CEP128: variants seen among roughly 807,000 people sequenced by gnomAD.
CEP128 encodes the protein centrosomal protein 128kDa.
A neutral mutation model predicts 156.7 loss-of-function variants in CEP128; 132 were observed. That is an observed-to-expected ratio of 0.84 (90% CI 0.73 to 0.97). The LOEUF (loss-of-function observed/expected upper bound fraction) is 0.97, where lower values mean the gene tolerates loss of function less well. Ranked by LOEUF, CEP128 falls within the 50% of genes least tolerant of loss-of-function variation. The pLI is 0.00. For missense variants in CEP128, 1,252 were observed against 1,281.9 expected, an observed-to-expected ratio of 0.98 and a Z score of 0.36; for synonymous variants, 469 against 448.9, an observed-to-expected ratio of 1.04 and a Z score of -0.57.
chr14:80,757,222 C>T (rs987937592), intron 17 of CEP128, among the ~76,000 whole-genome samples: 8 of 152,124 alleles, frequency 5.3e-5, no homozygotes, highest in Non-Finnish European at 1.0e-4. Context: ...TATATGGAGG[C>T]TGATTCTGTG....
intron 19 of CEP128, among the ~76,000 whole-genome samples, chr14:80,668,248 A>G (rs1895706514): frequency 6.6e-6 from 1 of 152,234 alleles, no homozygotes; most frequent in South Asian, 2.1e-4. Context: ...AAACCTAGGC[A>G]GGATTCCACC....
intron 9 of CEP128, among the ~76,000 whole-genome samples, chr14:80,861,681 T>C (rs1262662135): frequency 6.6e-6 from 1 of 152,170 alleles, no homozygotes; most frequent in African/African-American, 2.4e-5. Flanking sequence ...CTAAATGCTA[T>C]GTGTGAACCT....
chr14:80,559,286 A>T lies in CEP128; in HGVS notation c.2873T>A (p.Leu958Ter), dbSNP rs1296082068. 3 of 1,605,216 alleles carry T rather than the reference A, an allele frequency of 1.9e-6. No individual in the cohort carries two copies. Among genetic ancestry groups the T allele is most frequent in the Non-Finnish European group, 1.7e-6 (2 of 1,176,348 alleles). The change falls in exon 21 of 25, where the codon TTA becomes TAA. Residue 958 changes from leucine to a stop codon, truncating the protein, a stop_gained. Coordinates refer to ENST00000555265, the MANE Select transcript of CEP128 (RefSeq NM_152446.5). LOFTEE classifies it high-confidence loss of function. ...MGSLQDRVIA[L>*]ETSTQVALDH... ...GAAAATGCCCCAACTTACCGTTTCT[A>T]ATGCAATTACACGGTCCTGCAAAGA...
intron 21 of CEP128, among the ~76,000 whole-genome samples, chr14:80,545,753 T>C (rs1450628109): frequency 1.3e-5 from 2 of 152,152 alleles, no homozygotes; most frequent in African/African-American, 2.4e-5. Context: ...TCTGTGTTAA[T>C]GAGTAGGACA....
At chr14:80,915,922 G>C (rs2139503232) in intron 3 of CEP128, among the ~76,000 whole-genome samples, 1 of 152,314 alleles carries the variant, frequency 6.6e-6, no homozygotes, top group East Asian at 1.9e-4. Context: ...ACCTTACACG[G>C]CAAAAGGGAT....
At chr14:80,694,885 C>A (rs1245183199) in intron 19 of CEP128, among the ~76,000 whole-genome samples, 1 of 150,568 alleles carries the variant, frequency 6.6e-6, no homozygotes, top group Non-Finnish European at 1.5e-5. Context: ...CCTGCAGGTT[C>A]TGCACATGTA....
At chr14:80,932,413 T>C (rs1238751726) in intron 2 of CEP128, among the ~76,000 whole-genome samples, 1 of 152,250 alleles carries the variant, frequency 6.6e-6, no homozygotes, top group Non-Finnish European at 1.5e-5. Context: ...GACTCTGGCC[T>C]TAAAAGTATG....
chr14:80,540,289 C>T (rs756078669), intron 21 of CEP128, among the ~76,000 whole-genome samples: 6 of 150,654 alleles, frequency 4.0e-5, no homozygotes, highest in African/African-American at 7.3e-5. Flanking sequence ...TCACCCCTGG[C>T]GGCCCAGCTG....
chr14:80,739,198 G>C (rs1169874388), intron 19 of CEP128, among the ~76,000 whole-genome samples: 1 of 152,058 alleles, frequency 6.6e-6, no homozygotes, highest in Non-Finnish European at 1.5e-5. Flanking sequence ...TCTAGACTAT[G>C]TATATGTTCA....
chr14:80,485,083 A>T (rs1887133268), intron 14 of CEP128, among the ~76,000 whole-genome samples: 1 of 152,126 alleles, frequency 6.6e-6, no homozygotes, highest in Non-Finnish European at 1.5e-5. Context: ...CCAGAACTGC[A>T]TTGTTCTCAC....
intron 13 of CEP128, chr14:80,830,401 G>T (rs1224302120): frequency 2.5e-6 from 1 of 398,688 alleles, no homozygotes; most frequent in East Asian, 3.6e-5. Flanking sequence ...GGAAATACTT[G>T]AAATTAGAAC....
chr14:80,556,610 T>A (rs1242723706), intron 21 of CEP128, among the ~76,000 whole-genome samples: 1 of 152,176 alleles, frequency 6.6e-6, no homozygotes, highest in Non-Finnish European at 1.5e-5. Flanking sequence ...CTTATTATGA[T>A]GAAAAGGTGA....
chr14:80,905,847 C>T, intron 5 of CEP128, 108 bp downstream of exon 5: 2 of 1,018,866 alleles, frequency 2.0e-6, no homozygotes, highest in South Asian at 1.5e-5. Context: ...TACTATCATC[C>T]AATCTGCATG....
chr14:80,933,613 T>A (rs1332315633), intron 2 of CEP128, among the ~76,000 whole-genome samples: 1 of 152,242 alleles, frequency 6.6e-6, no homozygotes, highest in Admixed American at 6.5e-5. Context: ...TATCAACCTC[T>A]GCTGTATGTT....
At chr14:80,561,906 A>ATATATATATATATATATATATATATG (rs1236276953) in intron 20 of CEP128, among the ~76,000 whole-genome samples, 1 of 149,496 alleles carries the variant, frequency 6.7e-6, no homozygotes, top group African/African-American at 2.5e-5. Context: ...CTATATATAT[A>ATATATATATATATATATATATATATG]TATATATTTG....
Position 80,595,888 on chromosome 14 carries a change from C to A in CEP128, c.2807-15465G>T, listed in dbSNP as rs749772380. Reference sequence around the variant, plus strand: ...AGGGGAACTCCCCTTATAAAACCATCGGATCTCATGAGACTTATTCACTAT... The same window carrying A: ...AGGGGAACTCCCCTTATAAAACCATAGGATCTCATGAGACTTATTCACTAT... On this transcript the variant is annotated intron_variant, in intron 19 of 24. Coordinates refer to ENST00000555265, the MANE Select transcript of CEP128 (RefSeq NM_152446.5). 7.2e-4 allele frequency among the ~76,000 whole-genome samples: 110 copies of A among 152,074 alleles called. 1 individual carries two copies. The highest frequency in any genetic ancestry group is 1.3e-3 in the Non-Finnish European group (89 of 67,974).
chr14:80,653,417 G>A (rs1946628274), intron 19 of CEP128, among the ~76,000 whole-genome samples: 1 of 152,088 alleles, frequency 6.6e-6, no homozygotes, highest in South Asian at 2.1e-4. Context: ...AAAAATGCAA[G>A]GTGAAGATCA....
chr14:80,844,376 CCACA>C (rs1467632077), intron 9 of CEP128, among the ~76,000 whole-genome samples: 1 of 151,984 alleles, frequency 6.6e-6, no homozygotes, highest in African/African-American at 2.4e-5. Context: ...ACCGCACACA[CCACA>C]CACTTTGGTA....
chr14:80,729,058 G>GTGTGTGTGTGTGTGTGTAT (rs1344457542), intron 19 of CEP128, among the ~76,000 whole-genome samples: 1 of 105,024 alleles, frequency 9.5e-6, no homozygotes, highest in Admixed American at 1.0e-4. Context: ...GGCTGGTGGG[G>GTGTGTGTGTGTGTGTGTAT]GTGTGTGTGT....
Sources: allele counts gnomAD v4.1 joint callset (sites outside exome capture counted in the v4.1 genomes callset), GRCh38; gene constraint gnomAD v4.1.1; transcripts MANE v1.5; gene names NCBI Gene and HGNC (gene_info 2026-07-23, HGNC 2026-07-21).